Variants in SVOP observed in about 807,000 individuals in gnomAD.
The protein encoded by SVOP is synaptic vesicle 2-related protein.
SVOP carries 17 observed loss-of-function variants against 69.1 expected under a neutral mutation model. The ratio of observed to expected loss-of-function variants is 0.25; its 90% CI spans 0.17 to 0.37. SVOP has a LOEUF of 0.37. SVOP is among the 10% of genes least tolerant of loss of function. SVOP has a pLI of 1.00. For synonymous variants in SVOP, 238 were observed against 238.6 expected, an observed-to-expected ratio of 1.00 and a Z score of 0.02; for missense variants, 435 against 597.5, an observed-to-expected ratio of 0.73 and a Z score of 2.84.
At chr12:108,951,354 T>C (rs541304988) in intron 6 of SVOP, among the ~76,000 whole-genome samples, 1 of 152,314 alleles carries the variant, frequency 6.6e-6, no homozygotes, top group Non-Finnish European at 1.5e-5. Context: ...ATGGGCCCAG[T>C]GCCAACCTGT....
At chr12:108,923,289 T>C (rs1593177869) in intron 11 of SVOP, among the ~76,000 whole-genome samples, 1 of 152,320 alleles carries the variant, frequency 6.6e-6, no homozygotes, top group East Asian at 1.9e-4. Context: ...TGTGCAGGAC[T>C]GTCTCTTATG....
rs958659555 is a variant in SVOP at position 108,952,334 on chromosome 12, A to C, written c.579-7168T>G. On this transcript the variant is annotated intron_variant, in intron 6 of 15. Coordinates refer to ENST00000610966, the MANE Select transcript of SVOP (RefSeq NM_018711.5). ...ACCGCAACCTCTAACCCCCAGGTTCAAGTGATTCTCCTGCCTCAGCCTCCC... is the reference window on the plus strand; with the variant it reads ...ACCGCAACCTCTAACCCCCAGGTTCCAGTGATTCTCCTGCCTCAGCCTCCC... 1.6e-4 allele frequency among the ~76,000 whole-genome samples: 23 copies of C among 145,330 alleles called. 1 individual carries two copies. The highest frequency in any genetic ancestry group is 9.8e-4 in the Admixed American group (13 of 13,330).
intron 1 of SVOP, among the ~76,000 whole-genome samples, chr12:109,010,148 T>C (rs1457172813): frequency 6.6e-6 from 1 of 151,686 alleles, no homozygotes; most frequent in African/African-American, 2.4e-5. Flanking sequence ...AAAAAATTTT[T>C]TTTTAATTAA....
In SVOP at chr12:108,956,981, G is replaced by T. The variant is rs375799571; in HGVS notation, c.578+3942C>A. Among the ~76,000 whole-genome samples the T allele has an allele frequency of 7.2e-5, 11 of 152,230 alleles. 1 individual carries two copies. The highest frequency in any genetic ancestry group is 9.6e-5 in the African/African-American group (4 of 41,560). On this transcript the variant is annotated intron_variant, in intron 6 of 15. Transcript: ENST00000610966. ...TGCCATTATGATGCTTCATTCCCAGGAGAAAAGATTCATGGGTCTGGAAAT... is the reference window on the plus strand; with the variant it reads ...TGCCATTATGATGCTTCATTCCCAGTAGAAAAGATTCATGGGTCTGGAAAT...
intron 11 of SVOP, among the ~76,000 whole-genome samples, chr12:108,929,802 T>C (rs2039804350): frequency 6.6e-6 from 1 of 152,240 alleles, no homozygotes; most frequent in African/African-American, 2.4e-5. Flanking sequence ...AATGAAATTT[T>C]CCTTCACTGC....
chr12:108,978,536 G>C, intron 3 of SVOP, 42 bp downstream of exon 3: 3 of 701,504 alleles, frequency 4.3e-6, no homozygotes, highest in Non-Finnish European at 7.8e-6. Flanking sequence ...GCAGCATGGG[G>C]GTTTCTTGGA....
At chr12:108,962,944 G>A (rs2040025295) in intron 5 of SVOP, among the ~76,000 whole-genome samples, 1 of 151,980 alleles carries the variant, frequency 6.6e-6, no homozygotes, top group Admixed American at 6.6e-5. Context: ...CAGCCTGAGG[G>A]ACAGAGTGAG....
At chr12:108,988,323 C>T (rs1291620055) in intron 1 of SVOP, among the ~76,000 whole-genome samples, 2 of 152,150 alleles carry the variant, frequency 1.3e-5, no homozygotes, top group African/African-American at 4.8e-5. Context: ...AAGTCCAGAT[C>T]ATAAGGCTTT....
chr12:109,020,706 T>G, intron 1 of SVOP, 128 bp downstream of exon 1: 1 of 502,910 alleles, frequency 2.0e-6, no homozygotes, highest in East Asian at 4.4e-5. Context: ...CCCTAATTCC[T>G]TCCTCTGAAA....
At chr12:108,959,040 C>T (rs1057433520) in intron 6 of SVOP, among the ~76,000 whole-genome samples, 3 of 152,176 alleles carry the variant, frequency 2.0e-5, no homozygotes, top group African/African-American at 4.8e-5. Flanking sequence ...GGATCCCATC[C>T]TAGAACAGGG....
intron 5 of SVOP, among the ~76,000 whole-genome samples, chr12:108,964,195 A>C (rs1281442761): frequency 6.6e-6 from 1 of 152,068 alleles, no homozygotes; most frequent in Non-Finnish European, 1.5e-5. Flanking sequence ...GGTCTACAAA[A>C]ATTAAATCAA....
At chr12:108,945,235 T>A in intron 6 of SVOP, 69 bp from the exon 7 acceptor site, 1 of 1,465,390 alleles carries the variant, frequency 6.8e-7, no homozygotes, top group Non-Finnish European at 9.2e-7. Context: ...TACCGTTTTC[T>A]GAATTTGCAG....
intron 4 of SVOP, among the ~76,000 whole-genome samples, chr12:108,972,986 G>C (rs1426215440): frequency 7.9e-5 from 12 of 152,184 alleles, no homozygotes; most frequent in Admixed American, 5.2e-4. Context: ...CAGCTGGTGA[G>C]ATTTGAATGA....
chr12:108,944,695 A>G (rs987365534), intron 7 of SVOP, among the ~76,000 whole-genome samples: 1 of 152,160 alleles, frequency 6.6e-6, no homozygotes, highest in Non-Finnish European at 1.5e-5. Flanking sequence ...AAGGCAGCCT[A>G]TAGGCCACAG....
intron 9 of SVOP, among the ~76,000 whole-genome samples, chr12:108,937,775 A>G (rs2039864965): frequency 6.6e-6 from 1 of 152,276 alleles, no homozygotes. Context: ...CCAATTTACC[A>G]AAAGATTGAT....
intron 6 of SVOP, among the ~76,000 whole-genome samples, chr12:108,958,077 ATTAAC>A (rs1230612877): frequency 6.6e-6 from 1 of 152,228 alleles, no homozygotes; most frequent in Non-Finnish European, 1.5e-5. Context: ...GTGGTAATTA[ATTAAC>A]TTATTTATTT....
At chr12:109,020,401 C>G (rs1173910025) in intron 1 of SVOP, among the ~76,000 whole-genome samples, 1 of 152,152 alleles carries the variant, frequency 6.6e-6, no homozygotes, top group African/African-American at 2.4e-5. Context: ...GCATCAGTAT[C>G]ATTCCCTTCC....
In SVOP at chr12:108,994,354, C is replaced by T. The variant is rs373838413; in HGVS notation, c.36-10593G>A. Among the ~76,000 whole-genome samples, 12 of 152,186 alleles carry T rather than the reference C, an allele frequency of 7.9e-5. No homozygotes were observed. In the East Asian group the frequency reaches 1.7e-3, roughly 22 times the overall value. ...ACTAAAAATACAAAAATTAGCTGGG[C>T]CTGGTGGCATGCACCTGTAATCCCA... On this transcript the variant is annotated intron_variant, in intron 1 of 15. Transcript: ENST00000610966.
chr12:108,919,969 C>G (rs2039738623), intron 12 of SVOP, among the ~76,000 whole-genome samples, 183 bp from the exon 13 acceptor site: 1 of 152,178 alleles, frequency 6.6e-6, no homozygotes, highest in Non-Finnish European at 1.5e-5. Context: ...TGATAAAAGA[C>G]TGTGACTTCT....
Sources: allele counts gnomAD v4.1 joint callset (sites outside exome capture counted in the v4.1 genomes callset), GRCh38; gene constraint gnomAD v4.1.1; transcripts MANE v1.5; gene names NCBI Gene and HGNC (gene_info 2026-07-23, HGNC 2026-07-21).